The following KLHL2 variants were observed in gnomAD, a reference collection of about 807,000 sequenced individuals.
KLHL2 encodes kelch like family member 2, also known as kelch-like protein 2.
In KLHL2, 15 loss-of-function variants were observed where a neutral mutation model predicts 75.8. The ratio of observed to expected loss-of-function variants is 0.20; its 90% CI spans 0.13 to 0.30. KLHL2 has a LOEUF of 0.30. KLHL2 is among the 10% of genes least tolerant of loss of function. The pLI is 1.00. For missense variants in KLHL2, 381 were observed against 741.0 expected (o/e 0.51, Z 5.64); for synonymous variants, 214 against 251.9 (o/e 0.85, Z 1.42).
chr4:165,210,433 A>G (rs973867281), intron 1 of KLHL2, among the ~76,000 whole-genome samples: 18 of 151,620 alleles, frequency 1.2e-4, no homozygotes, highest in Admixed American at 2.6e-4. Context: ...TGCTTTTTCT[A>G]TTCCTTGCCT....
At chr4:165,243,864 A>T (rs1740014848) in intron 4 of KLHL2, among the ~76,000 whole-genome samples, 1 of 152,234 alleles carries the variant, frequency 6.6e-6, no homozygotes, top group South Asian at 2.1e-4. Flanking sequence ...AATCAATAAA[A>T]AGCCAGCCAA....
chr4:165,309,572 T>A (rs1553964533), intron 9 of KLHL2, among the ~76,000 whole-genome samples: 1 of 152,224 alleles, frequency 6.6e-6, no homozygotes, highest in Non-Finnish European at 1.5e-5. Context: ...TATCTACTGC[T>A]ATAGTGCAAA....
rs386357612 is a variant in KLHL2, at chr4:165,312,424, A to AT, written c.1340-812dup. 3.6e-3 allele frequency among the ~76,000 whole-genome samples: 464 copies of AT among 127,210 alleles called. 3 individuals are homozygous for AT. The highest frequency in any genetic ancestry group is 0.014 in the African/African-American group (428 of 30,130). The allele number at this position is 127,210 out of a possible 152,430, so 83.5% of individuals were successfully genotyped here. ...AAGGAAGGCTCTAAGTATTATTATT[A>AT]TTATTTTTTTTTAATTGACTTGGGC... On this transcript the variant is annotated intron_variant, in intron 11 of 14. Coordinates refer to ENST00000226725, the MANE Select transcript of KLHL2 (RefSeq NM_007246.4).
chr4:165,241,191 T>C (rs1242664123), intron 4 of KLHL2, among the ~76,000 whole-genome samples: 2 of 152,212 alleles, frequency 1.3e-5, no homozygotes, highest in African/African-American at 2.4e-5. Context: ...TCTTTTATTT[T>C]CAATTGAAAA....
chr4:165,215,769 T>C (rs1159416046), intron 1 of KLHL2, among the ~76,000 whole-genome samples: 3 of 152,182 alleles, frequency 2.0e-5, no homozygotes, highest in Non-Finnish European at 2.9e-5. Flanking sequence ...GCATTTGTTT[T>C]TAATCTGGGA....
At chr4:165,257,328 C>T (rs1456971830) in intron 4 of KLHL2, among the ~76,000 whole-genome samples, 2 of 152,200 alleles carry the variant, frequency 1.3e-5, no homozygotes, top group Admixed American at 6.5e-5. Flanking sequence ...TAAAATATGT[C>T]TCAGAACTGT....
chr4:165,244,491 T>C (rs1403334598), intron 4 of KLHL2, among the ~76,000 whole-genome samples: 1 of 152,208 alleles, frequency 6.6e-6, no homozygotes, highest in Non-Finnish European at 1.5e-5. Context: ...ATTTCTATAT[T>C]GTGTGGGTAA....
rs573374955 is a variant in KLHL2, at chr4:165,315,400, G to T, written c.1609+1234G>T. Among the ~76,000 whole-genome samples, 6 of 152,272 alleles carry T rather than the reference G, an allele frequency of 3.9e-5. No individual in the cohort carries two copies. In the East Asian group the frequency reaches 1.2e-3, roughly 29 times the overall value. ...GGGAAAGGGTAGGATTTAGGAAAAA[G>T]ACGTAAGTCTCTGTTGAAAAGTTGT... is the stretch of plus-strand genomic sequence containing the variant. On this transcript the variant is annotated intron_variant, in intron 13 of 14. Coordinates refer to ENST00000226725, the MANE Select transcript of KLHL2 (RefSeq NM_007246.4).
intron 4 of KLHL2, among the ~76,000 whole-genome samples, chr4:165,251,831 G>T (rs1351897285): frequency 6.6e-6 from 1 of 151,800 alleles, no homozygotes; most frequent in African/African-American, 2.4e-5. Flanking sequence ...GGATGGTCTC[G>T]ATCTCCTGAC....
Position 165,238,661 on chromosome 4 carries a change from G to C in KLHL2, c.260-117G>C, listed in dbSNP as rs1739558690. The C allele has an allele frequency of 1.9e-5, 29 of 1,544,274 alleles. 1 individual carries two copies. The South Asian group carries it at 3.5e-4, about 18-fold the overall frequency. On this transcript the variant is annotated intron_variant, in intron 3 of 14. Transcript: ENST00000226725. ...TATTTTCGGCCTGCAAAAAGTGGCT[G>C]ATTATGCTGCCTGTTGAATACAGTG...
rs562032987 is a variant in KLHL2 at position 165,293,837 on chromosome 4, A to G, written c.545-522A>G. Among the ~76,000 whole-genome samples, 38 of 152,168 alleles carry G rather than the reference A, an allele frequency of 2.5e-4. 1 individual carries two copies. In the South Asian group the frequency reaches 7.7e-3, roughly 31 times the overall value. ...GGCCCAATTCTCTCTTTTTAAAAAA[A>G]TGTTGGTCATATATTCAGATTGGCT... On this transcript the variant is annotated intron_variant, in intron 5 of 14. Coordinates refer to ENST00000226725, the MANE Select transcript of KLHL2 (RefSeq NM_007246.4).
intron 1 of KLHL2, chr4:165,210,166 C>A: frequency 6.4e-7 from 1 of 1,551,660 alleles, no homozygotes; most frequent in Non-Finnish European, 8.7e-7. Context: ...AAGCACGGCC[C>A]CAGATTCTCT....
intron 5 of KLHL2, among the ~76,000 whole-genome samples, chr4:165,293,245 A>G (rs1271008461): frequency 6.6e-6 from 1 of 152,194 alleles, no homozygotes; most frequent in Non-Finnish European, 1.5e-5. Context: ...TGGAGGACGT[A>G]TCGGATATTA....
At chr4:165,279,192 C>T (rs1223199511) in intron 5 of KLHL2, 2 of 1,571,184 alleles carry the variant, frequency 1.3e-6, no homozygotes, top group African/African-American at 2.7e-5. Flanking sequence ...CGAAGTTTCA[C>T]TGCACTGAAG....
intron 4 of KLHL2, among the ~76,000 whole-genome samples, chr4:165,243,608 A>G (rs1235744091): frequency 2.0e-5 from 3 of 152,286 alleles, no homozygotes; most frequent in Admixed American, 1.3e-4. Context: ...TCTAAAATCA[A>G]TTATTGGTAA....
intron 5 of KLHL2, among the ~76,000 whole-genome samples, chr4:165,280,713 C>A (rs947351938): frequency 6.6e-6 from 1 of 152,196 alleles, no homozygotes; most frequent in Non-Finnish European, 1.5e-5. Flanking sequence ...TATATTCATG[C>A]ATTCATTATG....
intron 11 of KLHL2, 92 bp from the exon 12 acceptor site, chr4:165,313,146 A>G: frequency 7.5e-7 from 1 of 1,330,762 alleles, no homozygotes; most frequent in South Asian, 1.3e-5. Flanking sequence ...CCATGAAGGA[A>G]AATATATTAA....
At chr4:165,270,041 C>T (rs1742562917) in intron 5 of KLHL2, among the ~76,000 whole-genome samples, 1 of 151,966 alleles carries the variant, frequency 6.6e-6, no homozygotes, top group Non-Finnish European at 1.5e-5. Flanking sequence ...TTTCTCTAAT[C>T]TTGTCTTCTT....
At chr4:165,281,514 A>G (rs1157884759) in intron 5 of KLHL2, among the ~76,000 whole-genome samples, 1 of 152,000 alleles carries the variant, frequency 6.6e-6, no homozygotes, top group East Asian at 1.9e-4. Context: ...ATAGGGGTTC[A>G]CTGTGTTAGC....
Sources: gnomAD v4.1 joint callset for allele counts (sites outside exome capture counted in the v4.1 genomes callset) on GRCh38, gnomAD v4.1.1 for gene constraint, MANE v1.5 for transcripts, NCBI Gene and HGNC (gene_info 2026-07-23, HGNC 2026-07-21) for gene names.